TMEM132D: variants seen among roughly 807,000 people sequenced by gnomAD.
TMEM132D encodes mature OL transmembrane protein.
Under a neutral mutation model 62.3 loss-of-function variants are expected in TMEM132D, and 21 were observed. That is an observed-to-expected ratio of 0.34 (90% confidence interval 0.24 to 0.49). The LOEUF is 0.49. Among genes scored for constraint, TMEM132D ranks in the 20% least tolerant of loss-of-function variants. The pLI is 0.99. For synonymous variants in TMEM132D, 621 were observed against 575.6 expected, an observed-to-expected ratio of 1.08 and a Z score of -1.13; for missense variants, 1,346 against 1,402.8, an observed-to-expected ratio of 0.96 and a Z score of 0.65.
At chr12:129,318,377 C>A (rs532606491) in intron 4 of TMEM132D, among the ~76,000 whole-genome samples, 1 of 152,136 alleles carries the variant, frequency 6.6e-6, no homozygotes, top group African/African-American at 2.4e-5. Flanking sequence ...ATGGATGTGG[C>A]TTCCTGTGAG....
intron 1 of TMEM132D, among the ~76,000 whole-genome samples, chr12:129,874,442 A>G (rs1874348880): frequency 6.6e-6 from 1 of 152,096 alleles, no homozygotes; most frequent in Non-Finnish European, 1.5e-5. Flanking sequence ...TAAATAAATT[A>G]TTTTAAAAGT....
intron 3 of TMEM132D, among the ~76,000 whole-genome samples, chr12:129,516,453 G>T (rs1289084231): frequency 6.6e-6 from 1 of 152,176 alleles, no homozygotes; most frequent in South Asian, 2.1e-4. Flanking sequence ...TCACAATCAT[G>T]GCAGAAGGTG....
intron 1 of TMEM132D, among the ~76,000 whole-genome samples, chr12:129,750,116 C>A (rs906010815): frequency 6.6e-6 from 1 of 152,046 alleles, no homozygotes; most frequent in Non-Finnish European, 1.5e-5. Flanking sequence ...GATGGAGTCT[C>A]GCTTTGTCAC....
At chr12:129,748,253 T>G (rs1342872043) in intron 1 of TMEM132D, among the ~76,000 whole-genome samples, 1 of 152,154 alleles carries the variant, frequency 6.6e-6, no homozygotes, top group Non-Finnish European at 1.5e-5. Context: ...ATTTTCCAGG[T>G]GCATTGCAGA....
At position 129,393,145 on chromosome 12, in the gene TMEM132D, A is replaced by T. The variant is rs1448211310; in HGVS notation, c.1116-55328T>A. Reference sequence around the variant, plus strand: ...TGGCTCAAACCACACTCTGTAGGCCAGTCAAAGCTTTATCTGTGCAGCAAA... The same window carrying T: ...TGGCTCAAACCACACTCTGTAGGCCTGTCAAAGCTTTATCTGTGCAGCAAA... On this transcript the variant is annotated intron_variant, in intron 3 of 8. Coordinates refer to ENST00000422113, the MANE Select transcript of TMEM132D (RefSeq NM_133448.3). 2.6e-5 allele frequency among the ~76,000 whole-genome samples: 4 copies of T among 152,240 alleles called. No homozygotes were observed. The East Asian group carries it at 7.7e-4, about 29-fold the overall frequency.
chr12:129,654,903 T>A (rs1445081615), intron 2 of TMEM132D, among the ~76,000 whole-genome samples: 1 of 152,156 alleles, frequency 6.6e-6, no homozygotes, highest in Non-Finnish European at 1.5e-5. Context: ...TCCAAAAACA[T>A]TGTCCTTCCA....
intron 1 of TMEM132D, among the ~76,000 whole-genome samples, chr12:129,901,314 T>C (rs1875344789): frequency 6.6e-6 from 1 of 152,246 alleles, no homozygotes; most frequent in South Asian, 2.1e-4. Context: ...AGAATGGCCC[T>C]GTCCCTGAAT....
chr12:129,159,144 A>T (rs79292573), intron 5 of TMEM132D, among the ~76,000 whole-genome samples: 2 of 152,274 alleles, frequency 1.3e-5, no homozygotes, highest in African/African-American at 4.8e-5. Context: ...CTTCAAGTAG[A>T]TGAGGATGGA....
intron 1 of TMEM132D, among the ~76,000 whole-genome samples, chr12:129,715,616 G>A (rs1868542849): frequency 6.6e-6 from 1 of 152,210 alleles, no homozygotes; most frequent in Admixed American, 6.5e-5. Flanking sequence ...CTGCACATGT[G>A]CAATTCAACG....
chr12:129,748,529 T>C (rs1473831327), intron 1 of TMEM132D, among the ~76,000 whole-genome samples: 1 of 152,124 alleles, frequency 6.6e-6, no homozygotes, highest in Non-Finnish European at 1.5e-5. Flanking sequence ...GAAGCAGGGC[T>C]CATAGAAAAA....
chr12:129,720,140 C>T (rs75782097), intron 1 of TMEM132D, among the ~76,000 whole-genome samples: 2,064 of 152,164 alleles, frequency 0.014, 40 homozygotes, highest in African/African-American at 0.046. Flanking sequence ...AAACCTTGCA[C>T]GCAGGAATGG....
intron 2 of TMEM132D, among the ~76,000 whole-genome samples, chr12:129,592,225 G>A (rs265635): frequency 0.68 from 102,515 of 151,820 alleles, 34,849 homozygotes; most frequent in East Asian, 0.84. Flanking sequence ...TGATTTTAGG[G>A]AGTAAAAAAA....
At chr12:129,132,726 T>C (rs1356839279) in intron 5 of TMEM132D, among the ~76,000 whole-genome samples, 2 of 152,198 alleles carry the variant, frequency 1.3e-5, no homozygotes, top group Non-Finnish European at 2.9e-5. Context: ...TGTACAGGTA[T>C]ATCAGCACAC....
At chr12:129,692,977 C>T (rs530357636) in intron 2 of TMEM132D, among the ~76,000 whole-genome samples, 8 of 152,186 alleles carry the variant, frequency 5.3e-5, no homozygotes, top group South Asian at 4.2e-4. Context: ...ATCCTGCACA[C>T]GTACCCTGGA....
At chr12:129,753,675 T>C (rs1225905785) in intron 1 of TMEM132D, among the ~76,000 whole-genome samples, 3 of 152,180 alleles carry the variant, frequency 2.0e-5, no homozygotes, top group Non-Finnish European at 4.4e-5. Context: ...AATGAAACAC[T>C]TAAAATCCGT....
chr12:129,625,167 A>C (rs1405364797), intron 2 of TMEM132D, among the ~76,000 whole-genome samples: 1 of 152,140 alleles, frequency 6.6e-6, no homozygotes, highest in African/African-American at 2.4e-5. Flanking sequence ...GAGCTTGCCT[A>C]TTCATACCTT....
intron 2 of TMEM132D, among the ~76,000 whole-genome samples, chr12:129,634,524 G>C (rs1419015764): frequency 6.7e-6 from 1 of 149,776 alleles, no homozygotes; most frequent in Non-Finnish European, 1.5e-5. Context: ...TAGTTTAAAA[G>C]TTCTGAATTC....
intron 2 of TMEM132D, among the ~76,000 whole-genome samples, chr12:129,687,945 T>C (rs1880971658): frequency 6.6e-6 from 1 of 152,188 alleles, no homozygotes; most frequent in African/African-American, 2.4e-5. Flanking sequence ...AGGCACTCAC[T>C]GTTATTACAT....
chr12:129,728,863 A>C (rs1869123644), intron 1 of TMEM132D, among the ~76,000 whole-genome samples: 1 of 151,832 alleles, frequency 6.6e-6, no homozygotes, highest in Non-Finnish European at 1.5e-5. Flanking sequence ...GTCTTCATGT[A>C]CTCCTTTTTC....
Sources: allele counts gnomAD v4.1 joint callset (sites outside exome capture counted in the v4.1 genomes callset), GRCh38; gene constraint gnomAD v4.1.1; transcripts MANE v1.5; gene names NCBI Gene and HGNC (gene_info 2026-07-23, HGNC 2026-07-21).